The following MTMR8 variants were observed in gnomAD, a reference collection of about 807,000 sequenced individuals.
The protein encoded by MTMR8 is myotubularin related protein 8.
Under a neutral mutation model 39.3 loss-of-function variants are expected in MTMR8, and 65 were observed. The ratio of observed to expected loss-of-function variants is 1.65; its 90% CI spans 1.35 to 2.03. MTMR8 has a LOEUF of 2.03. Among genes scored for constraint, MTMR8 ranks in the 30% most tolerant of loss-of-function variants. The probability of loss-of-function intolerance (pLI) is 0.00; values close to 1 mark genes in which losing one functional copy is unlikely to be tolerated. For synonymous variants in MTMR8, 245 were observed against 185.2 expected, an observed-to-expected ratio of 1.32 and a Z score of -2.62; for missense variants, 777 against 538.9, an observed-to-expected ratio of 1.44 and a Z score of -4.37.
At chrX:64,270,781 A>C (rs1931742979) in intron 13 of MTMR8, among the ~76,000 whole-genome samples, 166 bp downstream of exon 13, 1 of 111,630 alleles carries the variant, frequency 9.0e-6, no homozygotes, top group Admixed American at 9.5e-5. Flanking sequence ...TTGGGAAGTA[A>C]GAAAAGGAGT....
At chrX:64,377,307 C>T (rs966616101) in intron 1 of MTMR8, among the ~76,000 whole-genome samples, 2 of 111,960 alleles carry the variant, frequency 1.8e-5, no homozygotes, top group African/African-American at 6.5e-5. Context: ...CCACCCACAG[C>T]TTGCACTGTG....
chrX:64,389,967 T>C (rs1343855829), intron 1 of MTMR8, among the ~76,000 whole-genome samples: 2 of 112,135 alleles, frequency 1.8e-5, no homozygotes. Flanking sequence ...GTTGCAATTT[T>C]GGGAACTGGA....
intron 4 of MTMR8, 76 bp downstream of exon 4, chrX:64,354,701 T>C: frequency 3.0e-6 from 3 of 1,006,382 alleles, no homozygotes; most frequent in Non-Finnish European, 4.0e-6. Context: ...TTCTCTCTTT[T>C]TTCAAAATCT....
intron 12 of MTMR8, among the ~76,000 whole-genome samples, chrX:64,322,330 A>G (rs191778771): frequency 8.7e-4 from 96 of 110,945 alleles, no homozygotes; most frequent in African/African-American, 3.0e-3. Context: ...GGATTTTTGC[A>G]TTCATGTTCA....
chrX:64,334,108 T>A (rs774912079), intron 10 of MTMR8, among the ~76,000 whole-genome samples: 2 of 110,865 alleles, frequency 1.8e-5, no homozygotes, highest in African/African-American at 6.5e-5. Flanking sequence ...CTCTTAAACC[T>A]CTACACCACC....
At chrX:64,282,954 C>A (rs1483412387) in intron 12 of MTMR8, among the ~76,000 whole-genome samples, 1 of 111,820 alleles carries the variant, frequency 8.9e-6, no homozygotes, top group Non-Finnish European at 1.9e-5. Context: ...GGGTTCATCT[C>A]ACTAGGGCTT....
intron 12 of MTMR8, among the ~76,000 whole-genome samples, chrX:64,271,952 G>C (rs989284143): frequency 8.9e-6 from 1 of 112,143 alleles, no homozygotes; most frequent in Non-Finnish European, 1.9e-5. Context: ...GCTACCAAGG[G>C]AATGGCTTTT....
At chrX:64,348,484 T>C (rs746041871) in intron 6 of MTMR8, among the ~76,000 whole-genome samples, 176 bp downstream of exon 6, 6 of 111,700 alleles carry the variant, frequency 5.4e-5, no homozygotes, top group Non-Finnish European at 9.4e-5. Context: ...CACTTGACAG[T>C]GGCAACCTTA....
At chrX:64,328,049 G>A (rs1922845946) in intron 12 of MTMR8, among the ~76,000 whole-genome samples, 1 of 111,388 alleles carries the variant, frequency 9.0e-6, no homozygotes, top group Admixed American at 9.5e-5. Context: ...AAACAGAAGA[G>A]AACATCCTAA....
chrX:64,281,656 T>C (rs1349326865), intron 12 of MTMR8, among the ~76,000 whole-genome samples: 1 of 111,641 alleles, frequency 9.0e-6, no homozygotes, highest in Non-Finnish European at 1.9e-5. Flanking sequence ...GATTTTATGA[T>C]GAAATTGCCA....
intron 12 of MTMR8, among the ~76,000 whole-genome samples, chrX:64,272,610 A>G (rs1455164440): frequency 8.9e-6 from 1 of 111,841 alleles, no homozygotes; most frequent in Non-Finnish European, 1.9e-5. Flanking sequence ...AATCTTATTT[A>G]AAGAAGTAAT....
At chrX:64,286,222 C>T (rs1209668098) in intron 12 of MTMR8, among the ~76,000 whole-genome samples, 1 of 112,127 alleles carries the variant, frequency 8.9e-6, no homozygotes, top group East Asian at 2.8e-4. Flanking sequence ...ACTAGAAAAT[C>T]TAGAAGAAAT....
Position 64,343,858 on chromosome X carries a change from G to A in MTMR8, c.866-138C>T, listed in dbSNP as rs188473613. ...AATGATTAGTTAGAAACCACACAGT[G>A]AGTCAGGGACAGAACTAGGTCTAAA... On this transcript the variant is annotated intron_variant, in intron 7 of 13. Transcript: ENST00000374852. The A allele has an allele frequency of 1.9e-5, 9 of 468,695 alleles. No homozygotes were observed. In the East Asian group the frequency reaches 3.4e-4, roughly 18 times the overall value. The allele number at this position is 468,695 out of a possible 1,213,427, so 38.6% of individuals were successfully genotyped here. A position where few individuals can be genotyped will look rare whatever the true frequency, so the allele number is the denominator to read the frequency against.
At chrX:64,323,711 A>AT (rs200223212) in intron 12 of MTMR8, among the ~76,000 whole-genome samples, 8,751 of 110,726 alleles carry the variant, frequency 0.079, 934 homozygotes, top group African/African-American at 0.28. Context: ...TTTCCAGTAT[A>AT]TTTTTTTTTA....
chrX:64,333,363 G>GA (rs966064096), intron 10 of MTMR8, among the ~76,000 whole-genome samples: 23 of 110,403 alleles, frequency 2.1e-4, no homozygotes, highest in Admixed American at 1.4e-3. Flanking sequence ...CCATTAAGTA[G>GA]AAAAAAAAAT....
chrX:64,321,838 T>C (rs1219861053), intron 12 of MTMR8, among the ~76,000 whole-genome samples: 2 of 112,046 alleles, frequency 1.8e-5, no homozygotes, highest in Non-Finnish European at 1.9e-5. Context: ...ATACTTTCCA[T>C]ACATAATTCG....
chrX:64,341,015 G>T (rs1035256110), intron 8 of MTMR8, among the ~76,000 whole-genome samples: 4 of 112,066 alleles, frequency 3.6e-5, no homozygotes, highest in African/African-American at 6.5e-5. Context: ...CTTCTATAAA[G>T]ATATATGTTT....
At chrX:64,292,425 T>C (rs898560417) in intron 12 of MTMR8, among the ~76,000 whole-genome samples, 1 of 111,180 alleles carries the variant, frequency 9.0e-6, no homozygotes, top group African/African-American at 3.3e-5. Context: ...ATGTTGGACC[T>C]CGCTGTTGGT....
At chrX:64,378,097 C>T (rs1236664421) in intron 1 of MTMR8, among the ~76,000 whole-genome samples, 1 of 111,954 alleles carries the variant, frequency 8.9e-6, no homozygotes, top group African/African-American at 3.2e-5. Context: ...GCCTGTGGAT[C>T]TGTGAGTCAA....
Sources: gnomAD v4.1 joint callset for allele counts (sites outside exome capture counted in the v4.1 genomes callset) on GRCh38, gnomAD v4.1.1 for gene constraint, MANE v1.5 for transcripts, NCBI Gene and HGNC (gene_info 2026-07-23, HGNC 2026-07-21) for gene names.